The following AOPEP variants were observed in gnomAD, a reference collection of about 807,000 sequenced individuals.
The protein encoded by AOPEP is aminopeptidase O.
A neutral mutation model predicts 98.1 loss-of-function variants in AOPEP; 77 were observed. The observed-to-expected ratio is 0.78, with a 90% CI of 0.65 to 0.95. The LOEUF is 0.95. AOPEP is among the 40% of genes least tolerant of loss of function. AOPEP has a pLI of 0.00. For synonymous variants in AOPEP, 346 were observed against 365.3 expected, an observed-to-expected ratio of 0.95 and a Z score of 0.60; for missense variants, 1,024 against 1,024.7, an observed-to-expected ratio of 1.00 and a Z score of 0.01.
chr9:94,878,131 T>C (rs549156338), intron 5 of AOPEP, among the ~76,000 whole-genome samples: 179 of 151,834 alleles, frequency 1.2e-3, no homozygotes, highest in African/African-American at 4.2e-3. Context: ...GTCCCATGGA[T>C]TTTCCTGTAG....
At chr9:95,113,070 C>T in the AOPEP span, among the ~76,000 whole-genome samples, 1 of 152,228 alleles carries the variant, frequency 6.6e-6, no homozygotes, top group Non-Finnish European at 1.5e-5. Context: ...TCTTCAAGGT[C>T]CAGCTCTGTG....
intron 13 of AOPEP, among the ~76,000 whole-genome samples, 176 bp from the exon 14 acceptor site, chr9:95,060,518 C>G (rs565025916): frequency 6.6e-6 from 1 of 152,222 alleles, no homozygotes; most frequent in Non-Finnish European, 1.5e-5. Flanking sequence ...TTTGGGAATA[C>G]AGACAATGTA....
intron 5 of AOPEP, among the ~76,000 whole-genome samples, chr9:94,809,525 T>C (rs1236719889): frequency 6.6e-6 from 1 of 152,216 alleles, no homozygotes; most frequent in African/African-American, 2.4e-5. Flanking sequence ...CCTTTCATTC[T>C]GTCAGTGGTG....
chr9:95,067,264 G>A (rs948195742), intron 14 of AOPEP, among the ~76,000 whole-genome samples: 24 of 152,190 alleles, frequency 1.6e-4, no homozygotes, highest in Admixed American at 1.4e-3. Context: ...GTCAGCTTGC[G>A]GAAGCACGTT....
At chr9:94,745,639 C>T (rs925637508) in intron 1 of AOPEP, among the ~76,000 whole-genome samples, 1 of 152,148 alleles carries the variant, frequency 6.6e-6, no homozygotes, top group African/African-American at 2.4e-5. Flanking sequence ...CTGTGCCTGT[C>T]TTTTTTCACT....
intron 7 of AOPEP, among the ~76,000 whole-genome samples, chr9:94,943,919 C>CA (rs775807087): frequency 0.16 from 2,734 of 17,306 alleles, 739 homozygotes; most frequent in Non-Finnish European, 0.41. Context: ...GACTCCATCT[C>CA]AAAAAAAAAA....
chr9:94,958,166 ACTTC>A (rs1217615383), intron 9 of AOPEP, among the ~76,000 whole-genome samples: 1 of 152,210 alleles, frequency 6.6e-6, no homozygotes, highest in Non-Finnish European at 1.5e-5. Flanking sequence ...TATGTGGCTT[ACTTC>A]ACTTAGCATA....
chr9:94,828,208 A>G (rs894562040), intron 5 of AOPEP, among the ~76,000 whole-genome samples: 4 of 152,208 alleles, frequency 2.6e-5, no homozygotes, highest in African/African-American at 9.6e-5. Context: ...AGAAGTCTTT[A>G]TATTTGATGA....
chr9:95,022,315 A>C (rs768343190), intron 13 of AOPEP: 2 of 152,052 alleles, frequency 1.3e-5, no homozygotes, highest in Non-Finnish European at 2.9e-5. Flanking sequence ...CCTCTGAAAA[A>C]CTGTTGCCAG....
rs16905559 is a variant in AOPEP, at chr9:94,955,373, T to C, written c.1764+94T>C. On this transcript the variant is annotated intron_variant, in intron 8 of 16. Transcript: ENST00000375315. The stretch of plus-strand genomic sequence containing the variant: ...ATGATGATTAGTAACAAGACTGAGG[T>C]GAAAATACTGTAATGATATCTGACT... The C allele has an allele frequency of 8.8e-3, 6,537 of 744,468 alleles. 334 individuals carry two copies. The African/African-American group carries it at 0.099, about 11-fold the overall frequency. 46.1% of individuals were successfully genotyped at this position (744,468 alleles called of 1,614,324 possible).
the AOPEP span, chr9:95,126,442 C>T: frequency 4.7e-6 from 6 of 1,276,454 alleles, no homozygotes; most frequent in African/African-American, 8.9e-5. Flanking sequence ...ATGATACAGC[C>T]AGAGACTACC....
intron 5 of AOPEP, among the ~76,000 whole-genome samples, chr9:94,853,731 G>A (rs940421328): frequency 1.3e-5 from 2 of 152,160 alleles, no homozygotes; most frequent in African/African-American, 4.8e-5. Flanking sequence ...GAGAAAACAA[G>A]GTACAAGTCG....
chr9:95,063,015 G>A (rs761785930), intron 14 of AOPEP, among the ~76,000 whole-genome samples: 4 of 152,172 alleles, frequency 2.6e-5, no homozygotes, highest in Non-Finnish European at 5.9e-5. Context: ...TGCGCTCCTT[G>A]ATGCTCCTTG....
At chr9:94,843,568 T>C (rs1385746196) in intron 5 of AOPEP, among the ~76,000 whole-genome samples, 7 of 152,216 alleles carry the variant, frequency 4.6e-5, no homozygotes, top group Non-Finnish European at 8.8e-5. Flanking sequence ...GTCAGTTTGC[T>C]ATTATTACCA....
chr9:94,933,567 C>T (rs1017944574), intron 7 of AOPEP: 2 of 985,184 alleles, frequency 2.0e-6, no homozygotes, highest in African/African-American at 3.5e-5. Context: ...CCTAACCTTC[C>T]TCCTGAATGC....
At chr9:94,895,919 T>A (rs1270604874) in intron 5 of AOPEP, among the ~76,000 whole-genome samples, 1 of 152,238 alleles carries the variant, frequency 6.6e-6, no homozygotes, top group Non-Finnish European at 1.5e-5. Flanking sequence ...TGTCTGTGGC[T>A]GCTTTCATGC....
At chr9:95,082,288 A>G (rs1260171040) in intron 15 of AOPEP, among the ~76,000 whole-genome samples, 2 of 152,154 alleles carry the variant, frequency 1.3e-5, no homozygotes, top group Admixed American at 6.5e-5. Context: ...CACGGCCATC[A>G]TGGTGGGAAT....
chr9:95,045,932 G>A (rs541325345), intron 13 of AOPEP, among the ~76,000 whole-genome samples: 6 of 152,306 alleles, frequency 3.9e-5, no homozygotes, highest in Admixed American at 3.3e-4. Context: ...TTGGGAAGGC[G>A]CCGCCACCTC....
At chr9:94,763,006 C>G in intron 2 of AOPEP, 6 of 315,850 alleles carry the variant, frequency 1.9e-5, no homozygotes, top group South Asian at 1.7e-4. Flanking sequence ...CAGAGTCTGT[C>G]TACATTTATT....
Sources: gnomAD v4.1 joint callset for allele counts (sites outside exome capture counted in the v4.1 genomes callset) on GRCh38, gnomAD v4.1.1 for gene constraint, MANE v1.5 for transcripts, NCBI Gene and HGNC (gene_info 2026-07-23, HGNC 2026-07-21) for gene names.